The following COL21A1 variants were observed in gnomAD, a reference collection of about 807,000 sequenced individuals.
COL21A1 encodes the protein collagen type XXI alpha 1 chain, also known as collagen alpha-1(XXI) chain.
Under a neutral mutation model 137.9 loss-of-function variants are expected in COL21A1, and 149 were observed. That is an observed-to-expected ratio of 1.08 (90% CI 0.95 to 1.24). The LOEUF (loss-of-function observed/expected upper bound fraction) is 1.24, where lower values mean the gene tolerates loss of function less well. Ranked by LOEUF, COL21A1 falls within the 50% of genes most tolerant of loss-of-function variation. The pLI, the probability that COL21A1 is intolerant of heterozygous loss-of-function variation, is 0.00. For missense variants in COL21A1, 1,167 were observed against 1,158.4 expected (o/e 1.01, Z -0.11); for synonymous variants, 456 against 391.5 (o/e 1.16, Z -1.95).
At chr6:56,229,124 G>T (rs887440272) in intron 1 of COL21A1, among the ~76,000 whole-genome samples, 2 of 151,824 alleles carry the variant, frequency 1.3e-5, no homozygotes, top group African/African-American at 4.8e-5. Context: ...CTCACACCTG[G>T]AATCTCAGCA....
rs754123976 is a variant in COL21A1 at position 56,124,257 on chromosome 6, A to G, written c.1686T>C (p.Pro562=). 5.0e-6 allele frequency: 8 copies of G among 1,603,982 alleles called. No homozygotes were observed. The highest frequency in any genetic ancestry group is 1.7e-5 in the Admixed American group (1 of 58,782). The part of the protein sequence containing the change: ...AKGEKGNAGF[P]GLPGPAGEPG... ...AACTCACAGCAGGTCCAGGGAGGCC[A>G]GGGAAGCCAGCATTCCCCTTTTCAC... is the stretch of plus-strand genomic sequence containing the variant. The change falls in exon 15 of 30, where the codon CCT becomes CCC. Residue 562 remains proline (P), a synonymous_variant. Coordinates refer to ENST00000244728, the MANE Select transcript of COL21A1 (RefSeq NM_030820.4).
intron 1 of COL21A1, among the ~76,000 whole-genome samples, chr6:56,215,866 A>C (rs983562916): frequency 6.6e-6 from 1 of 152,132 alleles, no homozygotes; most frequent in Non-Finnish European, 1.5e-5. Flanking sequence ...ATTATCTGCT[A>C]ATTGCAAGCA....
intron 1 of COL21A1, among the ~76,000 whole-genome samples, chr6:56,195,891 A>G (rs1177762131): frequency 1.3e-5 from 2 of 152,150 alleles, no homozygotes; most frequent in Non-Finnish European, 2.9e-5. Flanking sequence ...GGCTGGCTTT[A>G]CCCTAATAAC....
chr6:56,317,489 C>T (rs1176274606), intron 1 of COL21A1, among the ~76,000 whole-genome samples: 1 of 152,070 alleles, frequency 6.6e-6, no homozygotes, highest in African/African-American at 2.4e-5. Flanking sequence ...CTTGTTACTC[C>T]TCTCATAACT....
At chr6:56,325,815 T>TAATATATATTATACATATTATATATAA (rs375902817) in intron 1 of COL21A1, among the ~76,000 whole-genome samples, 143 of 332 alleles carry the variant, frequency 0.43, 47 homozygotes, top group Non-Finnish European at 0.58. Context: ...ATATTATATA[T>TAATATATATTATACATATTATATATAA]TATATATTAT....
At chr6:56,205,245 T>G (rs1472756441) in intron 1 of COL21A1, among the ~76,000 whole-genome samples, 1 of 152,144 alleles carries the variant, frequency 6.6e-6, no homozygotes. Context: ...GAAAAAAGGT[T>G]AGACAAATTG....
At position 56,179,860 on chromosome 6, in the gene COL21A1, T is replaced by C; in HGVS notation, c.358A>G (p.Ile120Val). 5 of 1,614,004 alleles carry C rather than the reference T, an allele frequency of 3.1e-6. No individual in the cohort carries two copies. In the Admixed American group the frequency reaches 8.3e-5, roughly 27 times the overall value. Reference protein sequence around the residue: ...LGGNTKTGKAIQFALDYLFAK... With the variant: ...LGGNTKTGKAVQFALDYLFAK... Reference sequence around the variant, plus strand: ...AAAAGGTAATCGAGCGCAAACTGGATGGCCTTCCCTGTCTTTGTGTTTCCT... The same window carrying C: ...AAAAGGTAATCGAGCGCAAACTGGACGGCCTTCCCTGTCTTTGTGTTTCCT... Residue 120 changes from isoleucine (I) to valine (V), a missense_variant, in exon 3 of 30, where the codon ATC becomes GTC. By Grantham distance (29) the Ile-to-Val change is conservative. Coordinates refer to ENST00000244728, the MANE Select transcript of COL21A1 (RefSeq NM_030820.4).
At chr6:56,267,342 C>G (rs1366286609) in intron 1 of COL21A1, among the ~76,000 whole-genome samples, 3 of 152,160 alleles carry the variant, frequency 2.0e-5, no homozygotes, top group African/African-American at 7.2e-5. Flanking sequence ...TCTGCATAAT[C>G]CTCCATGCTT....
chr6:56,127,197 C>G (rs1404765836), intron 12 of COL21A1, among the ~76,000 whole-genome samples: 2 of 152,162 alleles, frequency 1.3e-5, no homozygotes, highest in Non-Finnish European at 2.9e-5. Flanking sequence ...TCCCCTTAAT[C>G]CTCAATTACA....
At chr6:56,167,530 T>C (rs1386162823) in intron 6 of COL21A1, among the ~76,000 whole-genome samples, 5 of 152,220 alleles carry the variant, frequency 3.3e-5, no homozygotes, top group Non-Finnish European at 7.3e-5. Flanking sequence ...CTTCCTTTAA[T>C]AGAAACAGTG....
chr6:56,331,753 G>C (rs962700390), intron 1 of COL21A1: 4 of 151,976 alleles, frequency 2.6e-5, no homozygotes, highest in African/African-American at 9.7e-5. Context: ...GACTGCTTTG[G>C]CTAATTGAAC....
At chr6:56,311,569 A>T (rs1471483393) in intron 1 of COL21A1, among the ~76,000 whole-genome samples, 2 of 152,204 alleles carry the variant, frequency 1.3e-5, no homozygotes, top group Non-Finnish European at 2.9e-5. Flanking sequence ...ACAGGGTTTT[A>T]CTTTTGAAGA....
intron 1 of COL21A1, among the ~76,000 whole-genome samples, chr6:56,254,495 C>T (rs1782924155): frequency 6.6e-6 from 1 of 152,150 alleles, no homozygotes; most frequent in Admixed American, 6.5e-5. Context: ...TCTGTAAGTA[C>T]TTGGATTCTT....
intron 17 of COL21A1, among the ~76,000 whole-genome samples, chr6:56,086,694 G>A (rs1768280985): frequency 6.6e-6 from 1 of 151,988 alleles, no homozygotes; most frequent in African/African-American, 2.4e-5. Context: ...GGCGCACTGG[G>A]TGTAATTTTG....
At chr6:56,098,014 T>A (rs369821012) in intron 17 of COL21A1, among the ~76,000 whole-genome samples, 38 of 39,338 alleles carry the variant, frequency 9.7e-4, no homozygotes, top group Middle Eastern at 0.025. Context: ...AATATATAAA[T>A]ATATATAAAT....
chr6:56,214,281 C>A (rs1030408318), intron 1 of COL21A1, among the ~76,000 whole-genome samples: 1 of 152,008 alleles, frequency 6.6e-6, no homozygotes, highest in Non-Finnish European at 1.5e-5. Flanking sequence ...CTAATTTCAA[C>A]TATAAAAATA....
intron 1 of COL21A1, among the ~76,000 whole-genome samples, chr6:56,263,250 A>G (rs957114091): frequency 1.3e-5 from 2 of 152,244 alleles, no homozygotes; most frequent in Admixed American, 1.3e-4. Context: ...TATTTCATAA[A>G]GGGCCAAAGA....
chr6:56,274,735 T>C (rs1162125905), intron 1 of COL21A1, among the ~76,000 whole-genome samples: 3 of 152,052 alleles, frequency 2.0e-5, no homozygotes, highest in Non-Finnish European at 4.4e-5. Flanking sequence ...AACAAAAAAA[T>C]GGAAAAATAT....
intron 1 of COL21A1, among the ~76,000 whole-genome samples, chr6:56,221,998 C>T (rs1780857819): frequency 6.6e-6 from 1 of 152,076 alleles, no homozygotes; most frequent in Non-Finnish European, 1.5e-5. Context: ...GTTGGCCAGG[C>T]ATGGTGGCTC....
Sources: allele counts gnomAD v4.1 joint callset (sites outside exome capture counted in the v4.1 genomes callset), GRCh38; gene constraint gnomAD v4.1.1; transcripts MANE v1.5; gene names NCBI Gene and HGNC (gene_info 2026-07-23, HGNC 2026-07-21).